Variants in SGCE observed in about 807,000 individuals in gnomAD.
The protein encoded by SGCE is sarcoglycan epsilon.
In SGCE, 26 loss-of-function variants were observed where a neutral mutation model predicts 57.8. The observed-to-expected ratio is 0.45, with a 90% CI of 0.33 to 0.62. The LOEUF is 0.62. SGCE is among the 20% of genes least tolerant of loss of function. The pLI, the probability that SGCE is intolerant of heterozygous loss-of-function variation, is 0.02. For missense variants in SGCE, 468 were observed against 548.6 expected (o/e 0.85, Z 1.47); for synonymous variants, 183 against 189.5 (o/e 0.97, Z 0.28).
rs1554358659 is a variant in SGCE, at chr7:94,628,215, G to A, written c.377C>T (p.Pro126Leu). The A allele has an allele frequency of 1.2e-6, 2 of 1,610,296 alleles. No homozygotes were observed. Among genetic ancestry groups the A allele is most frequent in the African/African-American group, 2.7e-5 (2 of 74,544 alleles). The change falls in exon 3 of 11, where the codon CCA becomes CTA. Residue 126 changes from proline (P) to leucine (L), a missense_variant. Coordinates refer to ENST00000648936, the MANE Select transcript of SGCE (RefSeq NM_003919.3). The part of the protein sequence containing the change: ...GSPTAENVGK[P>L]TIIEITAYNR... Reference sequence around the variant, plus strand: ...GGTGTAAATTACCTCAATGATTGTTGGCTTCCCCACATTTTCAGCTGTTGG... The same window carrying A: ...GGTGTAAATTACCTCAATGATTGTTAGCTTCCCCACATTTTCAGCTGTTGG...
chr7:94,595,056 TA>T (rs1211820935), intron 9 of SGCE, among the ~76,000 whole-genome samples: 1 of 152,126 alleles, frequency 6.6e-6, no homozygotes, highest in African/African-American at 2.4e-5. Context: ...TCAGGATAGG[TA>T]AATAATCTAA....
At chr7:94,611,041 T>C (rs1010869665) in intron 5 of SGCE, among the ~76,000 whole-genome samples, 5 of 152,230 alleles carry the variant, frequency 3.3e-5, no homozygotes, top group African/African-American at 1.2e-4. Context: ...CTCTCCTATT[T>C]TGCTGGTGGA....
At chr7:94,611,502 T>C (rs1801032069) in intron 5 of SGCE, among the ~76,000 whole-genome samples, 1 of 151,460 alleles carries the variant, frequency 6.6e-6, no homozygotes. Flanking sequence ...GGGGTGGGGG[T>C]GACTTCTAAT....
intron 5 of SGCE, among the ~76,000 whole-genome samples, chr7:94,606,193 G>A (rs1800111082): frequency 6.6e-6 from 1 of 151,938 alleles, no homozygotes; most frequent in Admixed American, 6.6e-5. Context: ...CTGTCAGAGT[G>A]GATTGAAAAA....
intron 5 of SGCE, among the ~76,000 whole-genome samples, chr7:94,607,474 C>T (rs558267107): frequency 6.6e-6 from 1 of 152,238 alleles, no homozygotes; most frequent in Non-Finnish European, 1.5e-5. Context: ...CTGGGACTTT[C>T]CCCAGTTATG....
intron 4 of SGCE, chr7:94,620,400 T>C (rs1802570974): frequency 6.6e-6 from 1 of 152,192 alleles, no homozygotes; most frequent in Non-Finnish European, 1.5e-5. Context: ...CCTTAATGTA[T>C]AGCCCATCTG....
chr7:94,588,834 C>A, intron 9 of SGCE, 102 bp from the exon 10 acceptor site: 1 of 1,297,890 alleles, frequency 7.7e-7, no homozygotes, highest in Non-Finnish European at 1.1e-6. Context: ...AACTATGACC[C>A]CAGTCATGTA....
At position 94,618,993 on chromosome 7, in the gene SGCE, G is replaced by T. The variant is rs772869233; in HGVS notation, c.464-37C>A. ...GAAAAAGGGCATGCATATCTTTAAT[G>T]AAGTAGTCTTTTAAAAAGGAAACAA... is the stretch of plus-strand genomic sequence containing the variant. On this transcript the variant is annotated intron_variant, in intron 4 of 10. Transcript: ENST00000648936. 4.4e-6 allele frequency: 6 copies of T among 1,366,012 alleles called. No individual in the cohort carries two copies. The African/African-American group carries it at 7.1e-5, about 16-fold the overall frequency. 84.6% of individuals were successfully genotyped at this position (1,366,012 alleles called of 1,614,324 possible).
At chr7:94,608,009 A>C (rs561074825) in intron 5 of SGCE, among the ~76,000 whole-genome samples, 1 of 152,204 alleles carries the variant, frequency 6.6e-6, no homozygotes, top group Non-Finnish European at 1.5e-5. Context: ...AATAAAGTCC[A>C]TCACTTTCCT....
At chr7:94,617,157 G>A (rs1802052666) in intron 5 of SGCE, 1 of 152,144 alleles carries the variant, frequency 6.6e-6, no homozygotes, top group Admixed American at 6.5e-5. Context: ...TCTCTAGGGG[G>A]AACAAAGGCC....
chr7:94,592,495 A>G (rs1277166696), intron 9 of SGCE, among the ~76,000 whole-genome samples: 1 of 152,186 alleles, frequency 6.6e-6, no homozygotes, highest in Non-Finnish European at 1.5e-5. Context: ...TGTAAACTGC[A>G]TTATGTAGAA....
intron 5 of SGCE, among the ~76,000 whole-genome samples, chr7:94,612,029 C>T (rs2116822555): frequency 6.6e-6 from 1 of 152,242 alleles, no homozygotes; most frequent in South Asian, 2.1e-4. Context: ...GCCTTGCATA[C>T]ATTCAGTTTC....
Position 94,656,047 on chromosome 7 carries a change from G to C in SGCE, c.52C>G (p.Gln18Glu). ...ELGDPCAWTG[Q>E]GRGTRRMSPA... is the part of the protein sequence containing the mutation. ...CTCATCCTGCGTGTCCCCCGACCCT[G>C]TCCCGTCCAAGCACAGGGGTCTCCC... Residue 18 changes from glutamine (Q) to glutamate (E), a missense_variant, in exon 1 of 11, where the codon CAG becomes GAG. Gln to Glu is a conservative substitution (Grantham distance 29). Transcript: ENST00000648936. 6.2e-7 allele frequency: 1 copy of C among 1,613,552 alleles called. No individual in the cohort carries two copies. The highest frequency in any genetic ancestry group is 8.5e-7 in the Non-Finnish European group (1 of 1,179,582).
intron 2 of SGCE, 96 bp downstream of exon 2, chr7:94,629,623 A>G (rs1804349113): frequency 9.1e-7 from 1 of 1,098,842 alleles, no homozygotes; most frequent in Non-Finnish European, 1.4e-6. Flanking sequence ...CATTTGAAAT[A>G]ATGTTAATGA....
chr7:94,652,781 G>A (rs1808081942), intron 1 of SGCE, among the ~76,000 whole-genome samples: 1 of 152,134 alleles, frequency 6.6e-6, no homozygotes, highest in Non-Finnish European at 1.5e-5. Flanking sequence ...TTTGACAACT[G>A]GAAATTGTAC....
intron 5 of SGCE, 177 bp downstream of exon 5, chr7:94,618,581 C>A (rs1802288527): frequency 1.7e-6 from 1 of 587,406 alleles, no homozygotes; most frequent in African/African-American, 1.9e-5. Flanking sequence ...ATATAAAAAA[C>A]CACTAACACA....
intron 9 of SGCE, chr7:94,598,283 A>G (rs1328899129): frequency 5.5e-6 from 1 of 180,758 alleles, no homozygotes; most frequent in African/African-American, 2.4e-5. Flanking sequence ...ATAGGTGTTT[A>G]TAGTCCAAAT....
Position 94,628,445 on chromosome 7 carries a change from A to C in SGCE, c.233-86T>G, listed in dbSNP as rs1026854979. The C allele has an allele frequency of 9.7e-6, 12 of 1,233,084 alleles. No individual in the cohort carries two copies. In the African/African-American group the frequency reaches 1.6e-4, roughly 17 times the overall value. 76.4% of individuals were successfully genotyped at this position (1,233,084 alleles called of 1,614,324 possible). On this transcript the variant is annotated intron_variant, in intron 2 of 10. Transcript: ENST00000648936. Reference sequence around the variant, plus strand: ...AGTTTCAATCAAAACATTCTGTCTAAAATTTTTTTCTTACATTTGTAGCCA... The same window carrying C: ...AGTTTCAATCAAAACATTCTGTCTACAATTTTTTTCTTACATTTGTAGCCA...
At chr7:94,633,365 C>A (rs1469615039) in intron 1 of SGCE, among the ~76,000 whole-genome samples, 1 of 152,062 alleles carries the variant, frequency 6.6e-6, no homozygotes, top group African/African-American at 2.4e-5. Flanking sequence ...TCATAAGGAA[C>A]AGAATTTTTT....
Sources: allele counts gnomAD v4.1 joint callset (sites outside exome capture counted in the v4.1 genomes callset), GRCh38; gene constraint gnomAD v4.1.1; transcripts MANE v1.5; gene names NCBI Gene and HGNC (gene_info 2026-07-23, HGNC 2026-07-21).